Variants in PTPRD observed in about 807,000 individuals in gnomAD.
PTPRD encodes protein tyrosine phosphatase receptor type D.
PTPRD carries 34 observed loss-of-function variants against 214.5 expected under a neutral mutation model. The ratio of observed to expected loss-of-function variants is 0.16; its 90% CI spans 0.12 to 0.21. The LOEUF (loss-of-function observed/expected upper bound fraction) is 0.21. Ranked by LOEUF, PTPRD falls within the 10% of genes least tolerant of loss-of-function variation. The pLI, the probability that PTPRD is intolerant of heterozygous loss-of-function variation, is 1.00. For missense variants in PTPRD, 2,545 were observed against 2,398.7 expected, an observed-to-expected ratio of 1.06 and a Z score of -1.27; for synonymous variants, 1,128 against 845.7, an observed-to-expected ratio of 1.33 and a Z score of -5.79.
intron 19 of PTPRD, among the ~76,000 whole-genome samples, chr9:8,521,950 G>C (rs553032832): frequency 6.6e-6 from 1 of 152,200 alleles, no homozygotes; most frequent in Non-Finnish European, 1.5e-5. Flanking sequence ...GCATGTTTAA[G>C]TTGAGTATCA....
At chr9:9,534,677 T>G (rs968809773) in intron 8 of PTPRD, among the ~76,000 whole-genome samples, 1 of 152,068 alleles carries the variant, frequency 6.6e-6, no homozygotes, top group Non-Finnish European at 1.5e-5. Flanking sequence ...GGAAAAAATG[T>G]AATATCTATT....
chr9:8,913,752 A>G (rs1353795979), intron 11 of PTPRD, among the ~76,000 whole-genome samples: 1 of 152,106 alleles, frequency 6.6e-6, no homozygotes, highest in Non-Finnish European at 1.5e-5. Context: ...CATGCTATCA[A>G]TATTCTGCAA....
At chr9:8,627,066 T>C (rs540977880) in intron 14 of PTPRD, among the ~76,000 whole-genome samples, 1 of 151,908 alleles carries the variant, frequency 6.6e-6, no homozygotes, top group Admixed American at 6.6e-5. Context: ...CACAGACTCC[T>C]AAATATTCTT....
At chr9:8,516,446 C>T (rs1014742085) in intron 21 of PTPRD, among the ~76,000 whole-genome samples, 6 of 151,836 alleles carry the variant, frequency 4.0e-5, no homozygotes, top group Admixed American at 6.6e-5. Flanking sequence ...TAAAGGCAGG[C>T]GAACTATTAA....
intron 11 of PTPRD, among the ~76,000 whole-genome samples, chr9:8,873,476 C>A (rs1053319990): frequency 2.0e-5 from 3 of 152,128 alleles, no homozygotes; most frequent in African/African-American, 7.2e-5. Context: ...AGGATGATAC[C>A]TGGCACATAA....
chr9:8,950,853 C>T (rs886696670), intron 11 of PTPRD, among the ~76,000 whole-genome samples: 4 of 151,994 alleles, frequency 2.6e-5, no homozygotes, highest in Non-Finnish European at 5.9e-5. Context: ...GAACCTGGGT[C>T]TACCTACTCT....
chr9:10,511,571 T>C (rs1472240651), intron 2 of PTPRD, among the ~76,000 whole-genome samples: 1 of 50,996 alleles, frequency 2.0e-5, no homozygotes, highest in African/African-American at 5.2e-5. Flanking sequence ...ACCCTGGTAT[T>C]TTTTTTTTTT....
At chr9:8,357,171 T>G (rs1458469059) in intron 39 of PTPRD, among the ~76,000 whole-genome samples, 3 of 152,164 alleles carry the variant, frequency 2.0e-5, no homozygotes, top group Non-Finnish European at 4.4e-5. Flanking sequence ...TGCCAACAAT[T>G]CTTCTTCGAA....
At chr9:9,023,669 C>T (rs2099577127) in intron 10 of PTPRD, among the ~76,000 whole-genome samples, 1 of 151,956 alleles carries the variant, frequency 6.6e-6, no homozygotes, top group Non-Finnish European at 1.5e-5. Context: ...TCTCCCTCCC[C>T]CGTCTAATAA....
At chr9:8,844,268 CATT>C (rs1170053564) in intron 11 of PTPRD, among the ~76,000 whole-genome samples, 2 of 152,172 alleles carry the variant, frequency 1.3e-5, no homozygotes, top group Admixed American at 6.5e-5. Flanking sequence ...TTGCAAAGAA[CATT>C]ATTACTGTAA....
intron 3 of PTPRD, among the ~76,000 whole-genome samples, chr9:10,049,972 C>G (rs2097497174): frequency 1.3e-5 from 2 of 152,156 alleles, no homozygotes; most frequent in Non-Finnish European, 2.9e-5. Flanking sequence ...GCACTTATCA[C>G]AAACTTTTTT....
intron 3 of PTPRD, among the ~76,000 whole-genome samples, chr9:10,240,036 G>T (rs564761325): frequency 6.6e-6 from 1 of 152,024 alleles, no homozygotes; most frequent in East Asian, 1.9e-4. Context: ...GAAAAGTGTC[G>T]CACAGAGGGA....
Position 10,033,814 on chromosome 9 carries a change from C to A in PTPRD, c.-544-24G>T, listed in dbSNP as rs187646999. The A allele has an allele frequency of 2.3e-3, 347 of 152,162 alleles. 1 individual carries two copies. Among genetic ancestry groups the A allele is most frequent in the African/African-American group, 7.8e-3 (326 of 41,540 alleles). 9.4% of individuals were successfully genotyped at this position (152,162 alleles called of 1,614,324 possible). Reference sequence around the variant, plus strand: ...CCCTGAAAGGAAAAGTGAGAGATCGCTTTAATTCACATTCTCTGGCAGTTG... The same window carrying A: ...CCCTGAAAGGAAAAGTGAGAGATCGATTTAATTCACATTCTCTGGCAGTTG... On this transcript the variant is annotated intron_variant, in intron 3 of 45. Transcript: ENST00000381196.
chr9:9,177,385 C>G (rs905895952), intron 10 of PTPRD, among the ~76,000 whole-genome samples: 5 of 152,032 alleles, frequency 3.3e-5, no homozygotes, highest in Non-Finnish European at 7.4e-5. Flanking sequence ...GATATAAAAC[C>G]TAACCATATC....
intron 2 of PTPRD, among the ~76,000 whole-genome samples, chr9:10,462,669 G>A (rs2098967320): frequency 6.6e-6 from 1 of 151,516 alleles, no homozygotes; most frequent in South Asian, 2.1e-4. Flanking sequence ...GTGAGAGTGA[G>A]CTAGTATTGG....
At chr9:9,600,891 A>G (rs1013408524) in intron 7 of PTPRD, among the ~76,000 whole-genome samples, 1 of 151,978 alleles carries the variant, frequency 6.6e-6, no homozygotes, top group African/African-American at 2.4e-5. Flanking sequence ...TTCTACTTGT[A>G]TATTTCATGA....
intron 8 of PTPRD, among the ~76,000 whole-genome samples, chr9:9,499,779 C>T (rs763708924): frequency 6.6e-6 from 1 of 152,048 alleles, no homozygotes; most frequent in Non-Finnish European, 1.5e-5. Context: ...ACAGAACTCT[C>T]CCAACCAAAA....
At chr9:9,531,156 T>C (rs1465804215) in intron 8 of PTPRD, among the ~76,000 whole-genome samples, 1 of 152,154 alleles carries the variant, frequency 6.6e-6, no homozygotes, top group African/African-American at 2.4e-5. Flanking sequence ...CCAAAATGTG[T>C]AAATATGTAA....
chr9:8,898,338 G>C (rs1481779485), intron 11 of PTPRD, among the ~76,000 whole-genome samples: 1 of 152,056 alleles, frequency 6.6e-6, no homozygotes, highest in Non-Finnish European at 1.5e-5. Context: ...GGGGATAGAG[G>C]GGAAGGAGAA....
Sources: allele counts gnomAD v4.1 joint callset (sites outside exome capture counted in the v4.1 genomes callset), GRCh38; gene constraint gnomAD v4.1.1; transcripts MANE v1.5; gene names NCBI Gene and HGNC (gene_info 2026-07-23, HGNC 2026-07-21).